Variants in KCNH1 observed in about 807,000 individuals in gnomAD.
KCNH1 encodes the protein potassium voltage-gated channel subfamily H member 1.
KCNH1 carries 27 observed loss-of-function variants against 69.2 expected under a neutral mutation model. The observed-to-expected ratio is 0.39, with a 90% CI of 0.29 to 0.54. The LOEUF is 0.54. Ranked by LOEUF, KCNH1 falls within the 20% of genes least tolerant of loss-of-function variation. The pLI is 0.68. For missense variants in KCNH1, 798 were observed against 1,261.6 expected (o/e 0.63, Z 5.57); for synonymous variants, 456 against 487.7 (o/e 0.93, Z 0.86).
At chr1:210,991,343 A>G (rs1688932181) in intron 6 of KCNH1, among the ~76,000 whole-genome samples, 1 of 152,206 alleles carries the variant, frequency 6.6e-6, no homozygotes, top group Admixed American at 6.5e-5. Context: ...TGCTAAATGA[A>G]ATAAGCCAGA....
At chr1:210,751,780 A>G (rs1283553941) in intron 10 of KCNH1, among the ~76,000 whole-genome samples, 1 of 152,154 alleles carries the variant, frequency 6.6e-6, no homozygotes, top group Non-Finnish European at 1.5e-5. Flanking sequence ...GAGGCACTGT[A>G]TGAAGAAATG....
At chr1:210,999,894 AC>A (rs1194896792) in intron 6 of KCNH1, among the ~76,000 whole-genome samples, 1 of 152,230 alleles carries the variant, frequency 6.6e-6, no homozygotes, top group Non-Finnish European at 1.5e-5. Context: ...CAGCATATAA[AC>A]AGAACCAAAG....
intron 7 of KCNH1, chr1:210,861,336 G>A: frequency 1.3e-6 from 1 of 789,696 alleles, no homozygotes; most frequent in Admixed American, 1.7e-5. Context: ...GCCATATATT[G>A]CTTCTCGTTG....
chr1:210,788,853 CGCCCGGCT>C (rs1684159649), intron 9 of KCNH1, among the ~76,000 whole-genome samples: 1 of 149,960 alleles, frequency 6.7e-6, no homozygotes, highest in African/African-American at 2.5e-5. Flanking sequence ...CCCGCCACTA[CGCCCGGCT>C]AATTTTTTGT....
At chr1:210,925,102 C>G (rs1230096963) in intron 6 of KCNH1, among the ~76,000 whole-genome samples, 1 of 152,108 alleles carries the variant, frequency 6.6e-6, no homozygotes, top group Non-Finnish European at 1.5e-5. Flanking sequence ...CATGAAAAAG[C>G]AAGAATGCAT....
intron 1 of KCNH1, among the ~76,000 whole-genome samples, chr1:211,113,055 AG>A (rs1338438047): frequency 6.6e-6 from 1 of 152,176 alleles, no homozygotes; most frequent in African/African-American, 2.4e-5. Context: ...ACTCTTTACC[AG>A]GTACTGTTTT....
chr1:211,062,608 CTA>C (rs1467206310), intron 5 of KCNH1, among the ~76,000 whole-genome samples: 1 of 152,072 alleles, frequency 6.6e-6, no homozygotes, highest in African/African-American at 2.4e-5. Flanking sequence ...TCAAACAACT[CTA>C]TAAGTTAAAA....
At chr1:210,707,857 AATTCATCTGAGATTGAATCT>A (rs1325884102) in intron 10 of KCNH1, among the ~76,000 whole-genome samples, 5 of 152,178 alleles carry the variant, frequency 3.3e-5, no homozygotes, top group South Asian at 2.1e-4. Flanking sequence ...CCTCCCTCCC[AATTCATCTGAGATTGAATCT>A]ATTCAGGCAG....
At chr1:211,111,927 C>T (rs1452044024) in intron 1 of KCNH1, among the ~76,000 whole-genome samples, 1 of 68,786 alleles carries the variant, frequency 1.5e-5, no homozygotes, top group Non-Finnish European at 2.9e-5. Context: ...GCTACTGCAC[C>T]GTCTAGGAAG....
At chr1:211,115,745 A>T (rs1179009639) in intron 1 of KCNH1, among the ~76,000 whole-genome samples, 1 of 148,186 alleles carries the variant, frequency 6.7e-6, no homozygotes, top group African/African-American at 2.5e-5. Context: ...ACACACACAC[A>T]CATACACATC....
At chr1:211,003,061 G>C (rs957857480) in intron 6 of KCNH1, among the ~76,000 whole-genome samples, 10 of 151,796 alleles carry the variant, frequency 6.6e-5, no homozygotes, top group Admixed American at 2.6e-4. Context: ...TTGTTTGTTT[G>C]TTTACATCAT....
At chr1:210,929,675 C>T (rs971240022) in intron 6 of KCNH1, among the ~76,000 whole-genome samples, 1 of 152,160 alleles carries the variant, frequency 6.6e-6, no homozygotes, top group African/African-American at 2.4e-5. Flanking sequence ...GAAGTCCTAG[C>T]CACAGCAATC....
chr1:210,967,175 G>T (rs1192077605), intron 6 of KCNH1, among the ~76,000 whole-genome samples: 3 of 152,048 alleles, frequency 2.0e-5, no homozygotes, highest in Admixed American at 6.6e-5. Flanking sequence ...GACTGTCAGG[G>T]GTTGGGGGGC....
chr1:211,055,254 G>A (rs1690284161), intron 5 of KCNH1, among the ~76,000 whole-genome samples: 1 of 152,194 alleles, frequency 6.6e-6, no homozygotes, highest in Non-Finnish European at 1.5e-5. Flanking sequence ...AGGGACTTAG[G>A]GGAGGAAAAA....
chr1:210,726,739 C>A (rs1235619872), intron 10 of KCNH1, among the ~76,000 whole-genome samples: 1 of 152,192 alleles, frequency 6.6e-6, no homozygotes, highest in Non-Finnish European at 1.5e-5. Flanking sequence ...TGCTCACATA[C>A]TGTAGTGAAC....
chr1:210,758,847 T>G (rs1683452722), intron 10 of KCNH1, among the ~76,000 whole-genome samples: 1 of 152,116 alleles, frequency 6.6e-6, no homozygotes, highest in East Asian at 1.9e-4. Context: ...CACTGGGAGG[T>G]GTTGCTTTTC....
At chr1:211,064,466 C>G (rs1407001161) in intron 5 of KCNH1, among the ~76,000 whole-genome samples, 1 of 152,028 alleles carries the variant, frequency 6.6e-6, no homozygotes, top group Non-Finnish European at 1.5e-5. Context: ...GAGGCTGAGG[C>G]AGGAGAATGG....
chr1:210,795,991 A>ACACC (rs1427699730), intron 9 of KCNH1, among the ~76,000 whole-genome samples: 1 of 134,858 alleles, frequency 7.4e-6, no homozygotes, highest in Non-Finnish European at 1.7e-5. Flanking sequence ...ACACACACAC[A>ACACC]CACACACACA....
intron 10 of KCNH1, among the ~76,000 whole-genome samples, chr1:210,749,719 A>AG (rs1683239509): frequency 2.7e-5 from 4 of 149,994 alleles, no homozygotes; most frequent in African/African-American, 9.8e-5. Context: ...GGACCCCTGC[A>AG]TGACAGGAGC....
Sources: gnomAD v4.1 joint callset for allele counts (sites outside exome capture counted in the v4.1 genomes callset) on GRCh38, gnomAD v4.1.1 for gene constraint, MANE v1.5 for transcripts, NCBI Gene and HGNC (gene_info 2026-07-23, HGNC 2026-07-21) for gene names.